The following PTPRR variants were observed in gnomAD, a reference collection of about 807,000 sequenced individuals.
PTPRR encodes the protein receptor-type tyrosine-protein phosphatase R.
In PTPRR, 38 loss-of-function variants were observed where a neutral mutation model predicts 77.2. That is an observed-to-expected ratio of 0.49 (90% CI 0.38 to 0.65). PTPRR has a LOEUF of 0.65. PTPRR is among the 30% of genes least tolerant of loss of function. The pLI is 0.00. For missense variants in PTPRR, 744 were observed against 799.2 expected (o/e 0.93, Z 0.83); for synonymous variants, 299 against 283.1 (o/e 1.06, Z -0.57).
At chr12:70,807,581 C>A (rs561696555) in intron 2 of PTPRR, among the ~76,000 whole-genome samples, 1 of 152,230 alleles carries the variant, frequency 6.6e-6, no homozygotes, top group East Asian at 1.9e-4. Flanking sequence ...TTTTAAGTAT[C>A]TTACAGACCG....
chr12:70,835,472 G>T (rs748308821), intron 2 of PTPRR, among the ~76,000 whole-genome samples: 7 of 152,044 alleles, frequency 4.6e-5, no homozygotes, highest in Admixed American at 2.0e-4. Flanking sequence ...GAGAGATATG[G>T]CCTGAATACC....
intron 2 of PTPRR, among the ~76,000 whole-genome samples, chr12:70,820,457 C>T (rs1304055676): frequency 6.6e-6 from 1 of 152,184 alleles, no homozygotes; most frequent in Non-Finnish European, 1.5e-5. Context: ...CCTCAGCCTC[C>T]CGAGTACTTG....
Position 70,661,104 on chromosome 12 carries a change from A to G in PTPRR, c.1609-7T>C, listed in dbSNP as rs1264656894. ...GTTGGGTGTGGCTTCCTTGCTGAAA[A>G]TAGCAACAGCCACCAAATGCCTCAT... On this transcript the variant is annotated splice_region_variant and splice_polypyrimidine_tract_variant and intron_variant, in intron 11 of 13. Coordinates refer to ENST00000283228, the MANE Select transcript of PTPRR (RefSeq NM_002849.4). The G allele has an allele frequency of 2.5e-6, 4 of 1,602,764 alleles. No individual in the cohort carries two copies. Among genetic ancestry groups the G allele is most frequent in the Admixed American group, 1.7e-5 (1 of 58,942 alleles).
At chr12:70,733,471 AAAAAAAAAAAG>A (rs1216086965) in intron 6 of PTPRR, among the ~76,000 whole-genome samples, 1 of 71,858 alleles carries the variant, frequency 1.4e-5, no homozygotes, top group Non-Finnish European at 2.6e-5. Context: ...AAATTATGGC[AAAAAAAAAAAG>A]AAAAAAAAAG....
intron 10 of PTPRR, among the ~76,000 whole-genome samples, chr12:70,668,706 A>C (rs117208720): frequency 6.6e-6 from 1 of 152,184 alleles, no homozygotes; most frequent in Non-Finnish European, 1.5e-5. Context: ...TGAGTAGCCA[A>C]TCTTTCTATC....
chr12:70,690,206 T>C (rs1296268951), intron 8 of PTPRR, among the ~76,000 whole-genome samples: 3 of 152,182 alleles, frequency 2.0e-5, no homozygotes, highest in Non-Finnish European at 2.9e-5. Flanking sequence ...CCCTGGCAGG[T>C]ATACTTGAGA....
chr12:70,907,801 A>G (rs914702057), intron 1 of PTPRR, among the ~76,000 whole-genome samples: 9 of 152,178 alleles, frequency 5.9e-5, no homozygotes, highest in African/African-American at 2.2e-4. Flanking sequence ...GTCAAAGGAT[A>G]CTGGGAGGAG....
At chr12:70,726,581 AT>A (rs148966922) in intron 6 of PTPRR, among the ~76,000 whole-genome samples, 2,229 of 139,664 alleles carry the variant, frequency 0.016, 31 homozygotes, top group African/African-American at 0.054. Context: ...TCTGCATTTA[AT>A]TTTTTTTTTT....
intron 2 of PTPRR, among the ~76,000 whole-genome samples, chr12:70,886,484 T>C (rs1893241866): frequency 6.6e-6 from 1 of 152,258 alleles, no homozygotes; most frequent in Non-Finnish European, 1.5e-5. Flanking sequence ...TTATTTTTTA[T>C]TAGTATCTGT....
intron 8 of PTPRR, among the ~76,000 whole-genome samples, chr12:70,694,646 T>C (rs1888167334): frequency 6.6e-6 from 1 of 151,556 alleles, no homozygotes; most frequent in Non-Finnish European, 1.5e-5. Context: ...TAACTGGGAC[T>C]CCAAAAAAAG....
At chr12:70,664,157 A>T (rs1886895032) in intron 10 of PTPRR, among the ~76,000 whole-genome samples, 1 of 152,160 alleles carries the variant, frequency 6.6e-6, no homozygotes, top group Admixed American at 6.5e-5. Flanking sequence ...TTTCAGCTTT[A>T]TTTACATGCC....
chr12:70,820,441 C>A (rs1313750869), intron 2 of PTPRR, among the ~76,000 whole-genome samples: 1 of 152,246 alleles, frequency 6.6e-6, no homozygotes, highest in African/African-American at 2.4e-5. Flanking sequence ...TCACGCCATT[C>A]TCCTGCCTCA....
intron 1 of PTPRR, among the ~76,000 whole-genome samples, chr12:70,908,884 G>A (rs1893661899): frequency 6.6e-6 from 1 of 152,140 alleles, no homozygotes; most frequent in Admixed American, 6.6e-5. Flanking sequence ...TTAAGGAAGG[G>A]CCATATAATT....
chr12:70,671,705 T>C (rs1887231443), intron 10 of PTPRR, among the ~76,000 whole-genome samples: 1 of 152,236 alleles, frequency 6.6e-6, no homozygotes, highest in African/African-American at 2.4e-5. Context: ...CAAGATACGC[T>C]TTATTCCCTT....
intron 8 of PTPRR, among the ~76,000 whole-genome samples, chr12:70,687,655 G>A (rs1198906856): frequency 1.3e-5 from 2 of 152,120 alleles, no homozygotes; most frequent in Non-Finnish European, 1.5e-5. Context: ...ATCCTAGCAT[G>A]TCCTTTTGGG....
At chr12:70,838,429 T>C (rs1045651059) in intron 2 of PTPRR, among the ~76,000 whole-genome samples, 1 of 152,188 alleles carries the variant, frequency 6.6e-6, no homozygotes, top group Admixed American at 6.6e-5. Context: ...TGTCATTCTT[T>C]CCTAATGCAT....
At chr12:70,691,766 G>A (rs1037030557) in intron 8 of PTPRR, among the ~76,000 whole-genome samples, 4 of 152,048 alleles carry the variant, frequency 2.6e-5, no homozygotes, top group East Asian at 1.9e-4. Context: ...CCTAAAATAC[G>A]CTGGGGTCTG....
At chr12:70,688,283 A>G (rs1285307921) in intron 8 of PTPRR, among the ~76,000 whole-genome samples, 1 of 152,194 alleles carries the variant, frequency 6.6e-6, no homozygotes, top group Non-Finnish European at 1.5e-5. Flanking sequence ...GATTGGGAGA[A>G]AATATTTATA....
At chr12:70,843,808 A>ATTT (rs201003875) in intron 2 of PTPRR, among the ~76,000 whole-genome samples, 70 of 124,634 alleles carry the variant, frequency 5.6e-4, no homozygotes, top group Non-Finnish European at 7.7e-4. Context: ...GTTGCTGAAA[A>ATTT]TTTTTTTTTT....
Sources: gnomAD v4.1 joint callset for allele counts (sites outside exome capture counted in the v4.1 genomes callset) on GRCh38, gnomAD v4.1.1 for gene constraint, MANE v1.5 for transcripts, NCBI Gene and HGNC (gene_info 2026-07-23, HGNC 2026-07-21) for gene names.